PLXNA4: variants seen among roughly 807,000 people sequenced by gnomAD.
PLXNA4 encodes the protein plexin A4.
PLXNA4 carries 44 observed loss-of-function variants against 191.8 expected under a neutral mutation model. That is an observed-to-expected ratio of 0.23 (90% CI 0.18 to 0.29). The LOEUF is 0.29. Ranked by LOEUF, PLXNA4 falls within the 10% of genes least tolerant of loss-of-function variation. The pLI, the probability that PLXNA4 is intolerant of heterozygous loss-of-function variation, is 1.00. For missense variants in PLXNA4, 1,800 were observed against 2,488.8 expected (o/e 0.72, Z 5.89); for synonymous variants, 1,082 against 1,009.5 (o/e 1.07, Z -1.36).
intron 2 of PLXNA4, among the ~76,000 whole-genome samples, chr7:132,627,987 C>T (rs1422673786): frequency 1.3e-5 from 2 of 152,322 alleles, no homozygotes; most frequent in African/African-American, 4.8e-5. Context: ...GTCTTCAATG[C>T]ATTTAATATT....
intron 1 of PLXNA4, among the ~76,000 whole-genome samples, chr7:132,531,841 G>A (rs556912759): frequency 6.6e-6 from 1 of 152,298 alleles, no homozygotes; most frequent in African/African-American, 2.4e-5. Flanking sequence ...TCTTGGGAAG[G>A]GCTTGGTAAT....
chr7:132,318,287 C>T (rs962971775), intron 3 of PLXNA4, among the ~76,000 whole-genome samples: 2 of 152,220 alleles, frequency 1.3e-5, no homozygotes, highest in African/African-American at 4.8e-5. Flanking sequence ...AGGGTCTGAC[C>T]CTCTGGCAGC....
At chr7:132,484,519 G>A (rs965748253) in intron 3 of PLXNA4, among the ~76,000 whole-genome samples, 16 of 152,230 alleles carry the variant, frequency 1.1e-4, no homozygotes, top group Non-Finnish European at 2.1e-4. Context: ...GTCTTTTCCT[G>A]TCATGGAAAT....
rs200154957 is a variant in PLXNA4, at chr7:132,202,639, G to A, written c.2586+7C>T. On this transcript the variant is annotated splice_region_variant and intron_variant, in intron 12 of 31. Coordinates refer to ENST00000321063, the MANE Select transcript of PLXNA4 (RefSeq NM_020911.2). Reference sequence around the variant, plus strand: ...CATTTGGAGCAGGAGGCCCGACCCCGGCTTACCTCTGTGATGCGGGGGTTT... The same window carrying A: ...CATTTGGAGCAGGAGGCCCGACCCCAGCTTACCTCTGTGATGCGGGGGTTT... 331 of 1,475,610 alleles carry A rather than the reference G, an allele frequency of 2.2e-4. 2 individuals are homozygous for A. In the East Asian group the frequency reaches 6.6e-3, roughly 29 times the overall value. 91.4% of individuals were successfully genotyped at this position (1,475,610 alleles called of 1,614,324 possible).
intron 3 of PLXNA4, among the ~76,000 whole-genome samples, chr7:132,324,381 TCCC>T (rs1243869642): frequency 2.0e-5 from 3 of 152,188 alleles, no homozygotes; most frequent in Admixed American, 6.5e-5. Context: ...CAGTTCATTT[TCCC>T]CCCAATGATA....
intron 1 of PLXNA4, among the ~76,000 whole-genome samples, chr7:132,561,688 TCA>T (rs1801098639): frequency 4.0e-5 from 2 of 49,664 alleles, no homozygotes; most frequent in Non-Finnish European, 7.9e-5. Context: ...TCCTCCTCCT[TCA>T]CCTCCTCCTA....
intron 3 of PLXNA4, among the ~76,000 whole-genome samples, chr7:132,422,361 A>G (rs1349932408): frequency 6.6e-6 from 1 of 152,226 alleles, no homozygotes; most frequent in African/African-American, 2.4e-5. Context: ...TACAGCCACA[A>G]CGGCATTTAA....
intron 3 of PLXNA4, among the ~76,000 whole-genome samples, chr7:132,459,607 T>C (rs921083845): frequency 4.6e-5 from 7 of 152,108 alleles, no homozygotes; most frequent in African/African-American, 1.7e-4. Context: ...ATATTCCTGC[T>C]CCCCTAGATA....
intron 5 of PLXNA4, among the ~76,000 whole-genome samples, chr7:132,236,009 G>A (rs1798688229): frequency 2.0e-5 from 3 of 152,188 alleles, no homozygotes; most frequent in Admixed American, 6.5e-5. Context: ...GCAAGCCTGT[G>A]GGCCAGGGTC....
chr7:132,327,175 A>AAAAAAAAAG (rs796213748), intron 3 of PLXNA4, among the ~76,000 whole-genome samples: 24 of 150,122 alleles, frequency 1.6e-4, no homozygotes, highest in African/African-American at 5.9e-4. Flanking sequence ...AAGGCAAAAA[A>AAAAAAAAAG]AAAAGAAAAA....
chr7:132,321,144 G>A (rs555963424), intron 3 of PLXNA4, among the ~76,000 whole-genome samples: 2 of 152,126 alleles, frequency 1.3e-5, no homozygotes, highest in African/African-American at 2.4e-5. Flanking sequence ...CTCTCCGTCC[G>A]CCACCCCCTC....
chr7:132,378,912 C>T (rs1052275528), intron 3 of PLXNA4, among the ~76,000 whole-genome samples: 4 of 139,902 alleles, frequency 2.9e-5, no homozygotes, highest in Admixed American at 1.6e-4. Context: ...AGTGCAATGG[C>T]GCGATCTTGG....
chr7:132,372,619 C>T (rs2116904902), intron 3 of PLXNA4, among the ~76,000 whole-genome samples: 1 of 152,332 alleles, frequency 6.6e-6, no homozygotes, highest in East Asian at 1.9e-4. Context: ...TCACCCTCTC[C>T]CACACCTCAC....
intron 3 of PLXNA4, among the ~76,000 whole-genome samples, chr7:132,443,605 C>T (rs186116103): frequency 4.1e-4 from 63 of 152,192 alleles, no homozygotes; most frequent in Non-Finnish European, 6.3e-4. Context: ...CGACACTGCG[C>T]GTGGTCGTGA....
chr7:132,556,914 T>TA (rs1399961213), intron 1 of PLXNA4, among the ~76,000 whole-genome samples: 3 of 152,222 alleles, frequency 2.0e-5, no homozygotes, highest in Non-Finnish European at 4.4e-5. Flanking sequence ...AAGACTATCT[T>TA]AGCAGCCTGA....
intron 1 of PLXNA4, among the ~76,000 whole-genome samples, chr7:132,527,585 C>A (rs1480577723): frequency 1.4e-5 from 2 of 147,856 alleles, no homozygotes; most frequent in Admixed American, 6.7e-5. Flanking sequence ...AATGAAGCAA[C>A]CTCTAGTGAA....
intron 2 of PLXNA4, among the ~76,000 whole-genome samples, chr7:132,645,292 G>A (rs941188557): frequency 2.0e-5 from 3 of 152,136 alleles, no homozygotes; most frequent in African/African-American, 7.2e-5. Context: ...GGAGGTGATT[G>A]GATCGTGGGA....
Position 132,508,045 on chromosome 7 carries a change from C to G in PLXNA4, c.649G>C (p.Val217Leu). The G allele has an allele frequency of 6.2e-7, 1 of 1,614,242 alleles. No homozygotes were observed. Among genetic ancestry groups the G allele is most frequent in the Non-Finnish European group, 8.5e-7 (1 of 1,180,044 alleles). Reference sequence around the variant, plus strand: ...GAGGCCACGAACTCATCATGGAAGACGTACGCGAACATGCCATCCGCCTCA... The same window carrying G: ...GAGGCCACGAACTCATCATGGAAGAGGTACGCGAACATGCCATCCGCCTCA... Reference protein sequence around the residue: ...NSEADGMFAYVFHDEFVASMI... With the variant: ...NSEADGMFAYLFHDEFVASMI... Residue 217 changes from valine to leucine, a missense_variant, in exon 2 of 32, where the codon GTC (valine) becomes CTC (leucine). This residue lies in a region of PLXNA4 where 1,397 missense variants were observed against 1,880.4 expected (regional missense o/e 0.74). Coordinates refer to ENST00000321063, the MANE Select transcript of PLXNA4 (RefSeq NM_020911.2). This position sits in a 1 kb window ranked among gnomAD's most constrained non-coding sequence, Gnocchi z 4.4.
intron 3 of PLXNA4, chr7:132,485,004 T>C: frequency 6.2e-7 from 1 of 1,613,886 alleles, no homozygotes; most frequent in Non-Finnish European, 8.5e-7. Flanking sequence ...TGTGGACCTG[T>C]GCCGAAGGAC....
Sources: allele counts gnomAD v4.1 joint callset (sites outside exome capture counted in the v4.1 genomes callset), GRCh38; gene constraint gnomAD v4.1.1; regional missense constraint gnomAD v4.1.1; non-coding constraint Gnocchi (gnomAD v3.1); transcripts MANE v1.5; gene names NCBI Gene and HGNC (gene_info 2026-07-23, HGNC 2026-07-21).